Variants in FBN1 observed in about 807,000 individuals in gnomAD.
FBN1 encodes the protein fibrillin 1, also known as fibrillin-1.
Under a neutral mutation model 365.1 loss-of-function variants are expected in FBN1, and 29 were observed. That is an observed-to-expected ratio of 0.08 (90% CI 0.06 to 0.11). FBN1 has a LOEUF of 0.11. Ranked by LOEUF, FBN1 falls within the 10% of genes least tolerant of loss-of-function variation. FBN1 has a pLI of 1.00. For missense variants in FBN1, 2,476 were observed against 3,703.2 expected, an observed-to-expected ratio of 0.67 and a Z score of 8.60; for synonymous variants, 1,210 against 1,270.5, an observed-to-expected ratio of 0.95 and a Z score of 1.01.
chr15:48,432,824 T>TA, intron 55 of FBN1, 42 bp downstream of exon 55: 5 of 1,612,282 alleles, frequency 3.1e-6, no homozygotes, highest in Non-Finnish European at 4.2e-6. Context: ...CCCTCACAGA[T>TA]AAAGCTTCCT....
intron 2 of FBN1, among the ~76,000 whole-genome samples, chr15:48,617,894 T>C (rs370833562): frequency 2.0e-4 from 30 of 152,332 alleles, no homozygotes; most frequent in African/African-American, 7.0e-4. Context: ...CTGTTTCCTA[T>C]GCAAAGTGCA....
chr15:48,584,562 G>A (rs1421458673), intron 6 of FBN1, among the ~76,000 whole-genome samples: 2 of 152,158 alleles, frequency 1.3e-5, no homozygotes, highest in African/African-American at 4.8e-5. Flanking sequence ...GAAAGTCCTG[G>A]GTACACTCCC....
rs139380316 is a variant in FBN1, at chr15:48,562,402, T to C, written c.539-24594A>G. 5.6e-3 allele frequency among the ~76,000 whole-genome samples: 858 copies of C among 152,298 alleles called. 3 individuals carry two copies. Among genetic ancestry groups the C allele is most frequent in the African/African-American group, 0.02 (811 of 41,560 alleles). Reference sequence around the variant, plus strand: ...TCTTTGCTTTAATAAAGTTATTTTGTTGCCCAATGGTGGCCATGTTGTGTA... The same window carrying C: ...TCTTTGCTTTAATAAAGTTATTTTGCTGCCCAATGGTGGCCATGTTGTGTA... On this transcript the variant is annotated intron_variant, in intron 6 of 65. Coordinates refer to ENST00000316623, the MANE Select transcript of FBN1 (RefSeq NM_000138.5).
At chr15:48,548,074 C>T (rs2044111155) in intron 6 of FBN1, among the ~76,000 whole-genome samples, 1 of 152,186 alleles carries the variant, frequency 6.6e-6, no homozygotes, top group Non-Finnish European at 1.5e-5. Context: ...AAAATCAGTA[C>T]GTGCTCAGAT....
At chr15:48,532,772 G>C (rs952638116) in intron 8 of FBN1, among the ~76,000 whole-genome samples, 2 of 152,050 alleles carry the variant, frequency 1.3e-5, no homozygotes, top group Non-Finnish European at 2.9e-5. Context: ...TAGATCTACA[G>C]TACAACTTCT....
chr15:48,490,159 AT>A, intron 24 of FBN1, 81 bp from the exon 25 acceptor site: 1 of 1,132,688 alleles, frequency 8.8e-7, no homozygotes, highest in Non-Finnish European at 1.3e-6. Flanking sequence ...GTTAGGTAAA[AT>A]ACTGCACACA....
Position 48,420,821 on chromosome 15 carries a change from G to A in FBN1, c.7700-15C>T, listed in dbSNP as rs1406766448. 2.5e-6 allele frequency: 4 copies of A among 1,612,940 alleles called. No individual in the cohort carries two copies. Among genetic ancestry groups the A allele is most frequent in the Non-Finnish European group, 3.4e-6 (4 of 1,179,948 alleles). On this transcript the variant is annotated splice_polypyrimidine_tract_variant and intron_variant, in intron 62 of 65. Transcript: ENST00000316623. Reference sequence around the variant, plus strand: ...CTCGTCCACGTCTGAAAAAGAAGCAGAGCCACCATGATGCCAACTCAACAT... The same window carrying A: ...CTCGTCCACGTCTGAAAAAGAAGCAAAGCCACCATGATGCCAACTCAACAT...
chr15:48,503,994 C>T (rs2043687518), intron 16 of FBN1, 55 bp from the exon 17 acceptor site: 9 of 1,607,612 alleles, frequency 5.6e-6, no homozygotes, highest in South Asian at 1.1e-5. Context: ...GATGAGAACC[C>T]CCCAAGTCAA....
chr15:48,470,762 G>A lies in FBN1; in HGVS notation c.4337-6C>T. On this transcript the variant is annotated splice_region_variant and splice_polypyrimidine_tract_variant and intron_variant, in intron 35 of 65. Transcript: ENST00000316623. ...AAGGGAGCACTCATCAATATCTTGG[G>A]GGGAGGGAGAAAAAAGCAAAAAACT... is the stretch of plus-strand genomic sequence containing the variant. 2 of 1,613,868 alleles carry A rather than the reference G, an allele frequency of 1.2e-6. No homozygotes were observed. Among genetic ancestry groups the A allele is most frequent in the Non-Finnish European group, 1.7e-6 (2 of 1,179,940 alleles).
intron 62 of FBN1, among the ~76,000 whole-genome samples, chr15:48,421,063 T>C (rs905663891): frequency 5.3e-5 from 8 of 151,924 alleles, no homozygotes; most frequent in Middle Eastern, 3.4e-3. Flanking sequence ...CTGTAAGTTA[T>C]AAGTTATTTG....
intron 8 of FBN1, 145 bp downstream of exon 8, chr15:48,533,935 A>T: frequency 8.2e-7 from 1 of 1,219,206 alleles, no homozygotes; most frequent in Non-Finnish European, 1.2e-6. Flanking sequence ...GCATATTATT[A>T]CTGTTAAAAA....
intron 6 of FBN1, among the ~76,000 whole-genome samples, chr15:48,572,167 A>G (rs2044310521): frequency 1.3e-5 from 2 of 152,262 alleles, no homozygotes; most frequent in South Asian, 2.1e-4. Context: ...TACTTTTCAC[A>G]TTATCTATTA....
chr15:48,569,673 C>A (rs758213308), intron 6 of FBN1, among the ~76,000 whole-genome samples: 37 of 151,926 alleles, frequency 2.4e-4, no homozygotes, highest in Non-Finnish European at 4.3e-4. Context: ...AACATTATGC[C>A]AAGTGAAAAA....
chr15:48,441,958 T>C, intron 49 of FBN1, 112 bp from the exon 50 acceptor site: 2 of 1,130,038 alleles, frequency 1.8e-6, no homozygotes, highest in Non-Finnish European at 1.3e-6. Context: ...ACTCTTACAA[T>C]AATAAAGGTA....
At chr15:48,465,764 C>T in intron 39 of FBN1, 26 bp downstream of exon 39, 1 of 1,612,870 alleles carries the variant, frequency 6.2e-7, no homozygotes, top group Non-Finnish European at 8.5e-7. Context: ...GTTGTGTGTG[C>T]TTTAAGACAA....
chr15:48,418,490 T>A (rs1438450706), intron 63 of FBN1, among the ~76,000 whole-genome samples: 2 of 152,218 alleles, frequency 1.3e-5, no homozygotes, highest in African/African-American at 4.8e-5. Flanking sequence ...TTGGCAAATA[T>A]TCAGTGTTTA....
intron 6 of FBN1, among the ~76,000 whole-genome samples, chr15:48,544,229 A>C (rs1025749514): frequency 6.6e-6 from 1 of 152,132 alleles, no homozygotes; most frequent in African/African-American, 2.4e-5. Flanking sequence ...TAAGGTTTGA[A>C]TATACTTTCC....
chr15:48,596,154 A>T, intron 6 of FBN1, 129 bp downstream of exon 6: 1 of 829,368 alleles, frequency 1.2e-6, no homozygotes, highest in Non-Finnish European at 2.0e-6. Context: ...CTTCCCAATG[A>T]CAAATGAGAA....
At chr15:48,527,661 T>C (rs2043925818) in intron 8 of FBN1, among the ~76,000 whole-genome samples, 1 of 152,266 alleles carries the variant, frequency 6.6e-6, no homozygotes, top group Non-Finnish European at 1.5e-5. Context: ...CAAGTTCACC[T>C]TGTTAGTAAA....
Sources: gnomAD v4.1 joint callset for allele counts (sites outside exome capture counted in the v4.1 genomes callset) on GRCh38, gnomAD v4.1.1 for gene constraint, MANE v1.5 for transcripts, NCBI Gene and HGNC (gene_info 2026-07-23, HGNC 2026-07-21) for gene names.